Variants in TTN observed in about 807,000 individuals in gnomAD.
The protein encoded by TTN is connectin.
Under a neutral mutation model 3,223.0 loss-of-function variants are expected in TTN, and 1,525 were observed. The ratio of observed to expected loss-of-function variants is 0.47; its 90% CI spans 0.45 to 0.49. The LOEUF is 0.49. TTN is among the 20% of genes least tolerant of loss of function. TTN has a pLI of 0.00. For synonymous variants in TTN, 14,094 were observed against 15,161.0 expected (o/e 0.93, Z 5.17); for missense variants, 40,786 against 43,424.0 (o/e 0.94, Z 5.40).
chr2:178,691,900 CAAG>C (rs2154279997), intron 121 of TTN, 113 bp downstream of exon 121: 2 of 771,540 alleles, frequency 2.6e-6, no homozygotes, highest in South Asian at 6.3e-5. Flanking sequence ...AGTAAAAACA[CAAG>C]AAGAATGTAA....
rs757693661 is a variant in TTN, at chr2:178,622,670, C to G, written c.44913G>C (p.Lys14971Asn). 1.9e-6 allele frequency: 3 copies of G among 1,602,520 alleles called. No homozygotes were observed. The highest frequency in any genetic ancestry group is 2.6e-6 in the Non-Finnish European group (3 of 1,174,042). ...FECELSRENA[K>N]VKWFKDGAEI... The stretch of plus-strand genomic sequence containing the variant: ...AGATGACAGGTATACAGTCACAGAC[C>G]TTAGCATTTTCTCGGGAAAGTTCAC... The change falls in exon 243 of 363, where the codon AAG becomes AAC. Residue 14971 changes from lysine to asparagine, a missense_variant and splice_region_variant. By Grantham distance (94) the Lys-to-Asn change is moderately conservative. Transcript: ENST00000589042.
At position 178,732,935 on chromosome 2, in the gene TTN, A is replaced by C. The variant is rs764508505; in HGVS notation, c.16241T>G (p.Leu5414Trp). The C allele has an allele frequency of 1.9e-6, 3 of 1,613,420 alleles. No homozygotes were observed. The highest frequency in any genetic ancestry group is 1.7e-6 in the Non-Finnish European group (2 of 1,179,738). ...ATTCATGTCTACTCTGATGATCTCC[A>C]AAGAGGCTGTGCCTTCCACAAATGC... is the stretch of plus-strand genomic sequence containing the variant. ...RIAFVEGTAS[L>W]EIIRVDMNDA... The change falls in exon 55 of 363, where the codon TTG (leucine) becomes TGG (tryptophan). Residue 5414 changes from leucine to tryptophan, a missense_variant. Leu to Trp is a moderately conservative substitution (Grantham distance 61). Coordinates refer to ENST00000589042, the MANE Select transcript of TTN (RefSeq NM_001267550.2).
At position 178,571,972 on chromosome 2, in the gene TTN, G is replaced by A; in HGVS notation, c.74160C>T (p.Leu24720=). Residue 24720 remains leucine (L), a synonymous_variant, in exon 326 of 363, where the codon CTC becomes CTT. Transcript: ENST00000589042. The part of the protein sequence containing the change: ...KDLVIPPAFK[L]LFNTFTVLAG... The stretch of plus-strand genomic sequence containing the variant: ...CCAGTACAGTGAAAGTATTGAACAG[G>A]AGTTTGAAGGCTGGTGGAATGACAA... 1.2e-6 allele frequency: 2 copies of A among 1,613,270 alleles called. No individual in the cohort carries two copies. The highest frequency in any genetic ancestry group is 1.7e-6 in the Non-Finnish European group (2 of 1,179,586).
At position 178,678,474 on chromosome 2, in the gene TTN, C is replaced by A. The variant is rs751152332; in HGVS notation, c.33850G>T (p.Val11284Leu). ...AKVPEVPKKP[V>L]PEKKVPVPAP... ...GGAACTGGCACCTTCTTCTCAGGCA[C>A]AGGCTTCTTGGGTACCTCTGGCACT... Residue 11284 changes from valine to leucine, a missense_variant, in exon 144 of 363, where the codon GTG becomes TTG. Physicochemically the swap from Val to Leu is conservative, Grantham distance 32 (BLOSUM62 1). Transcript: ENST00000589042. The A allele has an allele frequency of 4.4e-6, 7 of 1,593,232 alleles. No homozygotes were observed. In the East Asian group the frequency reaches 1.4e-4, roughly 31 times the overall value.
chr2:178,724,560 A>G (rs754560841), intron 71 of TTN, 22 bp from the exon 72 acceptor site: 4 of 1,555,478 alleles, frequency 2.6e-6, no homozygotes, highest in Admixed American at 3.7e-5. Flanking sequence ...CGTGATATCC[A>G]TCTGTCAAAG....
At position 178,528,701 on chromosome 2, in the gene TTN, C is replaced by T. The variant is rs761040950; in HGVS notation, c.107050G>A (p.Gly35684Arg). ...AAATCATACTGACACTTGACGATTC[C>T]TTCCTTGGTTTTGCTTATGCAGGTG... ...ILTCISKTKEGIVKCQYDLTL... is the reference protein window; with the variant it reads ...ILTCISKTKERIVKCQYDLTL... The change falls in exon 360 of 363, where the codon GGA (glycine) becomes AGA (arginine). Residue 35684 changes from glycine to arginine, a missense_variant. Physicochemically the swap from Gly to Arg is moderately radical, Grantham distance 125. Transcript: ENST00000589042. 17 of 1,613,456 alleles carry T rather than the reference C, an allele frequency of 1.1e-5. No individual in the cohort carries two copies. The South Asian group carries it at 1.8e-4, about 17-fold the overall frequency.
chr2:178,759,744 A>G (rs2088517046), intron 43 of TTN, among the ~76,000 whole-genome samples: 1 of 152,218 alleles, frequency 6.6e-6, no homozygotes, highest in Non-Finnish European at 1.5e-5. Flanking sequence ...TATATATGGC[A>G]CAAATAATTG....
In TTN at chr2:178,535,254, G is replaced by C; in HGVS notation, c.101361C>G (p.Thr33787=). The change falls in exon 358 of 363, where the codon ACC becomes ACG. Residue 33787 remains threonine (T), a synonymous_variant. Transcript: ENST00000589042. ...SEPTITKEDK[T]RAMNYDEEVD... is the part of the protein sequence containing the mutation. ...CCTCTTCATCATAGTTCATAGCTCT[G>C]GTCTTATCTTCTTTGGTTATGGTTG... The C allele has an allele frequency of 1.2e-6, 2 of 1,613,824 alleles. No homozygotes were observed. The highest frequency in any genetic ancestry group is 1.7e-6 in the Non-Finnish European group (2 of 1,179,824).
chr2:178,616,388 T>C, intron 257 of TTN, 91 bp downstream of exon 257: 1 of 1,536,190 alleles, frequency 6.5e-7, no homozygotes, highest in Non-Finnish European at 8.8e-7. Flanking sequence ...TAAGAAGTTG[T>C]AGCACATAAG....
Position 178,547,041 on chromosome 2 carries a change from C to T in TTN, c.94484G>A (p.Ser31495Asn), listed in dbSNP as rs1329167679. The T allele has an allele frequency of 2.5e-6, 4 of 1,613,300 alleles. No individual in the cohort carries two copies. The highest frequency in any genetic ancestry group is 2.7e-5 in the African/African-American group (2 of 74,922). Reference protein sequence around the residue: ...ALNAAGVSKASEASRPIMAQN... With the variant: ...ALNAAGVSKANEASRPIMAQN... The stretch of plus-strand genomic sequence containing the variant: ...AGCCATTATAGGTCTTGAAGCTTCG[C>T]TGGCCTTGCTAACACCTGCAGCATT... The change falls in exon 340 of 363, where the codon AGC becomes AAC. Residue 31495 changes from serine (S) to asparagine (N), a missense_variant. Physicochemically the swap from Ser to Asn is conservative, Grantham distance 46 (BLOSUM62 1). Transcript: ENST00000589042.
chr2:178,798,750 TGA>T (rs1482292076), intron 6 of TTN: 3 of 152,042 alleles, frequency 2.0e-5, no homozygotes, highest in African/African-American at 7.2e-5. Context: ...GAACATTTAA[TGA>T]GATAATGTAT....
chr2:178,617,531 T>G lies in TTN; in HGVS notation c.47573-19A>C, dbSNP rs2057568436. On this transcript the variant is annotated intron_variant, in intron 253 of 362. Coordinates refer to ENST00000589042, the MANE Select transcript of TTN (RefSeq NM_001267550.2). ...GGTCTCTCTGGAATAAAAGAAGGAG[T>G]TGGAGCATACCATTTACGTTAGTGA... 1 of 1,565,170 alleles carries G rather than the reference T, an allele frequency of 6.4e-7. No homozygotes were observed. The highest frequency in any genetic ancestry group is 1.4e-5 in the African/African-American group (1 of 72,318).
chr2:178,779,174 A>G (rs2092539576), intron 23 of TTN, 55 bp downstream of exon 23: 1 of 1,612,882 alleles, frequency 6.2e-7, no homozygotes, highest in South Asian at 1.1e-5. Flanking sequence ...GTTATATTTT[A>G]ACCAATTTGT....
At position 178,580,081 on chromosome 2, in the gene TTN, A is replaced by G. The variant is rs752625087; in HGVS notation, c.67206T>C (p.Ser22402=). Residue 22402 remains serine (S), a synonymous_variant, in exon 318 of 363, where the codon TCT becomes TCC. Coordinates refer to ENST00000589042, the MANE Select transcript of TTN (RefSeq NM_001267550.2). ...QKRDAERKSW[S]TVTTECSKTS... ...TTTTGGAGCACTCAGTTGTCACTGT[A>G]GACCAGGATTTCCTCTCTGCATCAC... The G allele has an allele frequency of 1.2e-6, 2 of 1,613,232 alleles. No individual in the cohort carries two copies. Among genetic ancestry groups the G allele is most frequent in the Non-Finnish European group, 1.7e-6 (2 of 1,179,486 alleles).
At chr2:178,664,391 A>C in intron 168 of TTN, 69 bp downstream of exon 168, 1 of 1,252,980 alleles carries the variant, frequency 8.0e-7, no homozygotes, top group Non-Finnish European at 1.1e-6. Context: ...TAATTTTCAA[A>C]ACTAGAAAGG....
In TTN at chr2:178,567,843, G is replaced by A; in HGVS notation, c.78289C>T (p.Pro26097Ser). The A allele has an allele frequency of 1.2e-6, 2 of 1,613,384 alleles. No homozygotes were observed. Among genetic ancestry groups the A allele is most frequent in the Non-Finnish European group, 1.7e-6 (2 of 1,179,588 alleles). Residue 26097 changes from proline to serine, a missense_variant, in exon 326 of 363, where the codon CCA (proline) becomes TCA (serine). Pro to Ser is a moderately conservative substitution (Grantham distance 74). Transcript: ENST00000589042. ...DPCDPPGTPE[P>S]IMVKRNEITL... is the part of the protein sequence containing the mutation. ...ATTTCATTTCTTTTAACCATTATTG[G>A]TTCTGGGGTTCCTGGTGGGTCACAG...
rs554954474 is a variant in TTN, at chr2:178,726,835, C to T, written c.20275+255G>A. 551 of 333,528 alleles carry T rather than the reference C, an allele frequency of 1.7e-3. 5 individuals carry two copies. In the South Asian group the frequency reaches 0.022, roughly 13 times the overall value. The allele number at this position is 333,528 out of a possible 1,614,324, so 20.7% of individuals were successfully genotyped here. A position where few individuals can be genotyped will look rare whatever the true frequency, so the allele number is the denominator to read the frequency against. ...TTTTTTGTGCAGTTTTGAAACATCACGTTTGATGTTTGGCAAATGTGTTGA... is the reference window on the plus strand; with the variant it reads ...TTTTTTGTGCAGTTTTGAAACATCATGTTTGATGTTTGGCAAATGTGTTGA... On this transcript the variant is annotated intron_variant, in intron 69 of 362. Transcript: ENST00000589042.
Position 178,729,278 on chromosome 2 carries a change from T to C in TTN, c.18868+10A>G. 6.3e-7 allele frequency: 1 copy of C among 1,584,878 alleles called. No homozygotes were observed. The highest frequency in any genetic ancestry group is 8.6e-7 in the Non-Finnish European group (1 of 1,164,712). On this transcript the variant is annotated intron_variant, in intron 64 of 362. Transcript: ENST00000589042. ...TTTTTATTTGATAGGCTGCTTCTTG[T>C]ATAACTGACCTTTCAGGGCAACTCT...
Position 178,608,637 on chromosome 2 carries a change from A to G in TTN, c.52374T>C (p.Val17458=), listed in dbSNP as rs752571545. The change falls in exon 274 of 363, where the codon GTT becomes GTC. Residue 17458 remains valine, a synonymous_variant. Transcript: ENST00000589042. ...ENRFGPGPPC[V]SKPLVAKDPF... Reference sequence around the variant, plus strand: ...GATCTTTAGCCACAAGTGGCTTTGAAACACATGGTGGACCTGGCCCAAATC... The same window carrying G: ...GATCTTTAGCCACAAGTGGCTTTGAGACACATGGTGGACCTGGCCCAAATC... The G allele has an allele frequency of 3.1e-6, 5 of 1,611,458 alleles. No individual in the cohort carries two copies. In the Admixed American group the frequency reaches 8.4e-5, roughly 27 times the overall value.
Sources: allele counts gnomAD v4.1 joint callset (sites outside exome capture counted in the v4.1 genomes callset), GRCh38; gene constraint gnomAD v4.1.1; transcripts MANE v1.5; gene names NCBI Gene and HGNC (gene_info 2026-07-23, HGNC 2026-07-21).